Variants in CPT1A observed in about 807,000 individuals in gnomAD.
CPT1A encodes carnitine palmitoyltransferase 1A.
A neutral mutation model predicts 100.8 loss-of-function variants in CPT1A; 64 were observed. That is an observed-to-expected ratio of 0.63 (90% CI 0.52 to 0.78). CPT1A has a LOEUF of 0.78. CPT1A is among the 30% of genes least tolerant of loss of function. The probability of loss-of-function intolerance (pLI) is 0.00; values close to 1 mark genes in which losing one functional copy is unlikely to be tolerated. For synonymous variants in CPT1A, 363 were observed against 396.0 expected (o/e 0.92, Z 0.99); for missense variants, 802 against 1,034.1 (o/e 0.78, Z 3.08).
intron 6 of CPT1A, among the ~76,000 whole-genome samples, chr11:68,798,231 T>C (rs1293153375): frequency 6.6e-6 from 1 of 152,184 alleles, no homozygotes; most frequent in Non-Finnish European, 1.5e-5. Context: ...TTCAGCTTTG[T>C]GCTGAAACAC....
rs146551320 is a variant in CPT1A at position 68,799,218 on chromosome 11, G to A, written c.693C>T (p.Tyr231=). The A allele has an allele frequency of 1.3e-5, 21 of 1,613,428 alleles. No homozygotes were observed. The highest frequency in any genetic ancestry group is 1.6e-5 in the Non-Finnish European group (19 of 1,179,528). ...LKLKSWWATN[Y]VSDWWEEYIY... ...AGAAAAACTGTGTATACAGACTTAC[G>A]TAATTTGTAGCCCACCAGGATTTTA... Residue 231 remains tyrosine (Y), a splice_region_variant and synonymous_variant, in exon 6 of 19, where the codon TAC becomes TAT. Transcript: ENST00000265641.
intron 12 of CPT1A, 128 bp from the exon 13 acceptor site, chr11:68,775,560 C>T: frequency 1.4e-6 from 1 of 723,106 alleles, no homozygotes; most frequent in South Asian, 1.6e-5. Flanking sequence ...TTAAGGCTTC[C>T]AGTATGCTCA....
intron 12 of CPT1A, 74 bp from the exon 13 acceptor site, chr11:68,775,506 G>A: frequency 8.4e-7 from 1 of 1,189,068 alleles, no homozygotes; most frequent in Non-Finnish European, 1.3e-6. Flanking sequence ...CATGAAGAGA[G>A]GGTTGTTCTT....
chr11:68,757,813 C>A, intron 18 of CPT1A, 83 bp from the exon 19 acceptor site: 1 of 1,153,104 alleles, frequency 8.7e-7, no homozygotes, highest in Non-Finnish European at 1.3e-6. Context: ...CAATCTGACC[C>A]AATGTTTCAT....
intron 1 of CPT1A, among the ~76,000 whole-genome samples, chr11:68,816,923 GT>G (rs1856422884): frequency 9.6e-6 from 1 of 104,330 alleles, no homozygotes; most frequent in East Asian, 3.1e-4. Flanking sequence ...TGGTGTGTGT[GT>G]GGGTGTGTGT....
At chr11:68,829,000 C>T (rs1457130418) in intron 1 of CPT1A, among the ~76,000 whole-genome samples, 2 of 152,116 alleles carry the variant, frequency 1.3e-5, no homozygotes, top group African/African-American at 4.8e-5. Flanking sequence ...GCACACTGCA[C>T]CTGACCTTCC....
At chr11:68,826,215 G>A (rs1168322140) in intron 1 of CPT1A, among the ~76,000 whole-genome samples, 1 of 152,130 alleles carries the variant, frequency 6.6e-6, no homozygotes, top group African/African-American at 2.4e-5. Flanking sequence ...GGAGGCCAAG[G>A]TGGGAGGATC....
At chr11:68,827,210 G>C (rs1286289009) in intron 1 of CPT1A, among the ~76,000 whole-genome samples, 1 of 152,066 alleles carries the variant, frequency 6.6e-6, no homozygotes, top group Non-Finnish European at 1.5e-5. Context: ...GTGAGCACCT[G>C]TAGTCCCAGC....
rs1594349829 is a variant in CPT1A, at chr11:68,799,372, A to G, written c.556-17T>C. 1.9e-6 allele frequency: 3 copies of G among 1,612,050 alleles called. No individual in the cohort carries two copies. In the African/African-American group the frequency reaches 4.0e-5, roughly 22 times the overall value. ...CTGTAGATACTGGGATTATTGGGGGAAAAAAAAATCACCCAAGTTAAAACA... is the reference window on the plus strand; with the variant it reads ...CTGTAGATACTGGGATTATTGGGGGGAAAAAAAATCACCCAAGTTAAAACA... On this transcript the variant is annotated splice_polypyrimidine_tract_variant and intron_variant, in intron 5 of 18. Coordinates refer to ENST00000265641, the MANE Select transcript of CPT1A (RefSeq NM_001876.4).
intron 2 of CPT1A, 75 bp downstream of exon 2, chr11:68,815,259 C>T (rs1856351815): frequency 1.3e-6 from 2 of 1,487,814 alleles, no homozygotes; most frequent in South Asian, 2.3e-5. Context: ...AACACGTAGA[C>T]CTCAATAGCA....
chr11:68,796,315 G>C (rs1168495662), intron 7 of CPT1A, among the ~76,000 whole-genome samples: 1 of 151,910 alleles, frequency 6.6e-6, no homozygotes, highest in Non-Finnish European at 1.5e-5. Flanking sequence ...CCAGCACTTA[G>C]GGAGGCTGAG....
intron 4 of CPT1A, among the ~76,000 whole-genome samples, chr11:68,806,084 C>T (rs974534738): frequency 5.3e-5 from 8 of 151,418 alleles, no homozygotes; most frequent in African/African-American, 1.9e-4. Context: ...GACACAACCA[C>T]AGCTCACTGC....
intron 14 of CPT1A, among the ~76,000 whole-genome samples, chr11:68,771,772 A>G (rs1854996665): frequency 6.6e-6 from 1 of 152,230 alleles, no homozygotes. Context: ...TGGAGAGAGC[A>G]TAGACTCTGG....
chr11:68,810,274 G>A lies in CPT1A; in HGVS notation c.281+2163C>T, dbSNP rs565624568. ...CAAGGCTCGGAGGCAGCTACCCACCGCAGGCCTGTGGGTCCTGGGACCTCA... is the reference window on the plus strand; with the variant it reads ...CAAGGCTCGGAGGCAGCTACCCACCACAGGCCTGTGGGTCCTGGGACCTCA... On this transcript the variant is annotated intron_variant, in intron 3 of 18. Transcript: ENST00000265641. Among the ~76,000 whole-genome samples the A allele has an allele frequency of 5.3e-5, 8 of 152,284 alleles. 1 individual carries two copies. Among genetic ancestry groups the A allele is most frequent in the African/African-American group, 1.4e-4 (6 of 41,558 alleles).
chr11:68,842,259 T>C (rs115519700), upstream of CPT1A, among the ~76,000 whole-genome samples: 1,581 of 152,240 alleles, frequency 0.01, 30 homozygotes, highest in African/African-American at 0.036. Flanking sequence ...CCCCTGACTC[T>C]TTCATGCAGA....
intron 7 of CPT1A, among the ~76,000 whole-genome samples, chr11:68,795,457 C>T (rs929265074): frequency 6.6e-6 from 1 of 151,896 alleles, no homozygotes; most frequent in African/African-American, 2.4e-5. Flanking sequence ...GGTCTCCTGG[C>T]GGGAAGGGCA....
chr11:68,773,356 G>A lies in CPT1A; in HGVS notation c.1649C>T (p.Pro550Leu). 1 of 1,614,216 alleles carries A rather than the reference G, an allele frequency of 6.2e-7. No homozygotes were observed. The highest frequency in any genetic ancestry group is 8.5e-7 in the Non-Finnish European group (1 of 1,180,040). ...LANDVDFHSF[P>L]FVAFGKGIIK... ...GATTCCTTTACCAAAGGCTACGAAT[G>A]GGAAGGAATGGAAATCCACGTCGTT... is the stretch of plus-strand genomic sequence containing the variant. The change falls in exon 14 of 19, where the codon CCA (proline) becomes CTA (leucine). Residue 550 changes from proline (P) to leucine (L), a missense_variant. Pro to Leu is a moderately conservative substitution (Grantham distance 98). This residue lies in a region of CPT1A where 627 missense variants were observed against 799.3 expected (regional missense o/e 0.78). Transcript: ENST00000265641.
At chr11:68,811,180 T>A (rs952011167) in intron 3 of CPT1A, among the ~76,000 whole-genome samples, 1 of 152,206 alleles carries the variant, frequency 6.6e-6, no homozygotes, top group Non-Finnish European at 1.5e-5. Context: ...CCACCTGCAA[T>A]TCCTGGCCCC....
chr11:68,788,020 G>A (rs1181241783), intron 9 of CPT1A, among the ~76,000 whole-genome samples: 1 of 151,914 alleles, frequency 6.6e-6, no homozygotes, highest in Non-Finnish European at 1.5e-5. Flanking sequence ...GGAAGAGATG[G>A]TTATCCAAGG....
Sources: allele counts gnomAD v4.1 joint callset (sites outside exome capture counted in the v4.1 genomes callset), GRCh38; gene constraint gnomAD v4.1.1; regional missense constraint gnomAD v4.1.1; transcripts MANE v1.5; gene names NCBI Gene and HGNC (gene_info 2026-07-23, HGNC 2026-07-21).